Variants in PHIP observed in about 807,000 individuals in gnomAD.
PHIP encodes the protein PH-interacting protein.
Under a neutral mutation model 236.8 loss-of-function variants are expected in PHIP, and 54 were observed. That is an observed-to-expected ratio of 0.23 (90% CI 0.18 to 0.29). The LOEUF (loss-of-function observed/expected upper bound fraction) is 0.29. Ranked by LOEUF, PHIP falls within the 10% of genes least tolerant of loss-of-function variation. The probability of loss-of-function intolerance (pLI) is 1.00; values close to 1 mark genes in which losing one functional copy is unlikely to be tolerated. For missense variants in PHIP, 1,370 were observed against 2,190.8 expected, an observed-to-expected ratio of 0.63 and a Z score of 7.48; for synonymous variants, 756 against 718.9, an observed-to-expected ratio of 1.05 and a Z score of -0.83.
At chr6:78,979,587 G>A (rs1215237731) in intron 23 of PHIP, among the ~76,000 whole-genome samples, 2 of 152,100 alleles carry the variant, frequency 1.3e-5, no homozygotes, top group African/African-American at 2.4e-5. Context: ...CCTTAACTTT[G>A]CTGGTCACCC....
intron 4 of PHIP, among the ~76,000 whole-genome samples, chr6:79,075,226 A>G (rs1360065527): frequency 1.3e-5 from 2 of 152,142 alleles, no homozygotes; most frequent in African/African-American, 4.8e-5. Context: ...ATCTCAACTA[A>G]AAAGGTAAAA....
intron 7 of PHIP, among the ~76,000 whole-genome samples, chr6:79,035,170 AC>A (rs1771868225): frequency 6.6e-6 from 1 of 151,998 alleles, no homozygotes; most frequent in African/African-American, 2.4e-5. Context: ...TCCACCAAAC[AC>A]CTACTAATCT....
In PHIP at chr6:79,015,685, T is replaced by C; in HGVS notation, c.1334A>G (p.Asn445Ser). The C allele has an allele frequency of 1.2e-6, 2 of 1,607,486 alleles. No homozygotes were observed. Among genetic ancestry groups the C allele is most frequent in the East Asian group, 2.2e-5 (1 of 44,754 alleles). The change falls in exon 14 of 40, where the codon AAC becomes AGC. Residue 445 changes from asparagine (N) to serine (S), a missense_variant. This residue lies in a region of PHIP where 188 missense variants were observed against 354.3 expected (regional missense o/e 0.53). Coordinates refer to ENST00000275034, the MANE Select transcript of PHIP (RefSeq NM_017934.7). ...HDNTVITAVN[N>S]MTLKVWNSYT... is the part of the protein sequence containing the mutation. ...AGAATTCCAAACTTTCAGAGTCATG[T>C]TATTAACTGCAGTTATAACTGTATT...
intron 27 of PHIP, 137 bp from the exon 28 acceptor site, chr6:78,966,193 ATAAG>A (rs763079415): frequency 6.7e-6 from 4 of 601,386 alleles, no homozygotes; most frequent in East Asian, 2.8e-5. Context: ...AACTCCAAAA[ATAAG>A]TAAGTACAAT....
In PHIP at chr6:79,002,178, G is replaced by GA. The variant is rs1356087622; in HGVS notation, c.1654-55dup. On this transcript the variant is annotated intron_variant, in intron 16 of 39. Coordinates refer to ENST00000275034, the MANE Select transcript of PHIP (RefSeq NM_017934.7). ...GGAAAAATAAAAATGTATCATTGTA[G>GA]AAAAAAAGTCTACATCATTTCTAAT... 1.4e-5 allele frequency: 18 copies of GA among 1,250,778 alleles called. No individual in the cohort carries two copies. The African/African-American group carries it at 1.7e-4, about 12-fold the overall frequency. 77.5% of individuals were successfully genotyped at this position (1,250,778 alleles called of 1,614,324 possible). A position where few individuals can be genotyped will look rare whatever the true frequency, so the allele number is the denominator to read the frequency against.
intron 4 of PHIP, 91 bp from the exon 5 acceptor site, chr6:79,060,909 T>C (rs1486290136): frequency 8.4e-6 from 7 of 834,014 alleles, no homozygotes; most frequent in Non-Finnish European, 1.3e-5. Flanking sequence ...CATCCAAGTA[T>C]AAAATATTTT....
intron 6 of PHIP, among the ~76,000 whole-genome samples, chr6:79,048,972 C>A (rs1772649763): frequency 6.6e-6 from 1 of 152,152 alleles, no homozygotes; most frequent in Non-Finnish European, 1.5e-5. Context: ...GCCTTTTCTG[C>A]TGCAGAATTG....
At chr6:79,024,657 T>G (rs1228906612) in intron 9 of PHIP, among the ~76,000 whole-genome samples, 1 of 151,774 alleles carries the variant, frequency 6.6e-6, no homozygotes, top group Non-Finnish European at 1.5e-5. Flanking sequence ...ACAAAAAACT[T>G]ATACGGGAGT....
At chr6:79,027,521 T>C (rs1771467244) in intron 7 of PHIP, among the ~76,000 whole-genome samples, 1 of 152,220 alleles carries the variant, frequency 6.6e-6, no homozygotes, top group Non-Finnish European at 1.5e-5. Flanking sequence ...TGCATTCATT[T>C]ATCCCTTTGT....
chr6:79,030,708 T>C (rs912737743), intron 7 of PHIP, among the ~76,000 whole-genome samples: 21 of 152,186 alleles, frequency 1.4e-4, no homozygotes, highest in African/African-American at 5.1e-4. Flanking sequence ...GTTATCAGTT[T>C]ATACCATAGT....
Position 79,025,936 on chromosome 6 carries a change from C to A in PHIP, c.822+7G>T, listed in dbSNP as rs745678022. ...CAACAACAATGTATAGGGATTAAGA[C>A]AATTACCTGTAGTGATGTAATAGAT... is the stretch of plus-strand genomic sequence containing the variant. On this transcript the variant is annotated splice_region_variant and intron_variant, in intron 8 of 39. Transcript: ENST00000275034. 1.3e-6 allele frequency: 2 copies of A among 1,567,868 alleles called. No homozygotes were observed. Among genetic ancestry groups the A allele is most frequent in the African/African-American group, 2.7e-5 (2 of 73,912 alleles).
intron 35 of PHIP, among the ~76,000 whole-genome samples, chr6:78,952,428 G>GAAAAAAAAAAAA (rs1188992535): frequency 3.7e-4 from 21 of 56,432 alleles, no homozygotes; most frequent in East Asian, 1.0e-3. Context: ...AAAAAAAAAA[G>GAAAAAAAAAAAA]AAAAAAAAAA....
intron 7 of PHIP, among the ~76,000 whole-genome samples, chr6:79,030,804 G>A (rs1034819567): frequency 3.3e-5 from 5 of 152,136 alleles, no homozygotes; most frequent in Non-Finnish European, 5.9e-5. Context: ...CAGGTTTTAA[G>A]AAATCCATGG....
chr6:78,952,672 T>C (rs1481423186), intron 35 of PHIP, among the ~76,000 whole-genome samples: 1 of 152,162 alleles, frequency 6.6e-6, no homozygotes, highest in African/African-American at 2.4e-5. Context: ...CTTTAGTCTG[T>C]TTTTAAAACT....
At chr6:78,990,596 A>G (rs1161560674) in intron 20 of PHIP, among the ~76,000 whole-genome samples, 1 of 152,216 alleles carries the variant, frequency 6.6e-6, no homozygotes, top group Non-Finnish European at 1.5e-5. Flanking sequence ...TGAAGAGCTA[A>G]AGAAAGTTCT....
intron 15 of PHIP, among the ~76,000 whole-genome samples, chr6:79,011,907 A>G (rs977634966): frequency 1.3e-5 from 2 of 149,558 alleles, no homozygotes; most frequent in African/African-American, 2.5e-5. Flanking sequence ...AAAAAATTAG[A>G]ATACTTATTA....
At chr6:79,002,225 G>C (rs894558458) in intron 16 of PHIP, 101 bp from the exon 17 acceptor site, 2 of 700,586 alleles carry the variant, frequency 2.9e-6, no homozygotes, top group Non-Finnish European at 2.4e-6. Flanking sequence ...ACCTGAATAC[G>C]AATAATGGTA....
At chr6:78,988,004 GAGTT>G (rs1562155697) in intron 21 of PHIP, among the ~76,000 whole-genome samples, 2 of 152,034 alleles carry the variant, frequency 1.3e-5, no homozygotes. Context: ...ATTAATTCAC[GAGTT>G]TATTTTGTGG....
At chr6:79,077,612 C>T in intron 3 of PHIP, 88 bp downstream of exon 3, 1 of 892,332 alleles carries the variant, frequency 1.1e-6, no homozygotes, top group Non-Finnish European at 1.3e-6. Flanking sequence ...CCCCGCGCCC[C>T]GCGCCCTGCC....
Sources: allele counts gnomAD v4.1 joint callset (sites outside exome capture counted in the v4.1 genomes callset), GRCh38; gene constraint gnomAD v4.1.1; regional missense constraint gnomAD v4.1.1; transcripts MANE v1.5; gene names NCBI Gene and HGNC (gene_info 2026-07-23, HGNC 2026-07-21).